Variants in PDS5A observed in about 807,000 individuals in gnomAD.
The protein encoded by PDS5A is sister chromatid cohesion protein PDS5 homolog A.
In PDS5A, 42 loss-of-function variants were observed where a neutral mutation model predicts 167.1. The ratio of observed to expected loss-of-function variants is 0.25; its 90% CI spans 0.20 to 0.33. PDS5A has a LOEUF of 0.33. Ranked by LOEUF, PDS5A falls within the 10% of genes least tolerant of loss-of-function variation. The pLI is 1.00. For missense variants in PDS5A, 1,033 were observed against 1,605.9 expected (o/e 0.64, Z 6.10); for synonymous variants, 553 against 554.6 (o/e 1.00, Z 0.04).
intron 2 of PDS5A, among the ~76,000 whole-genome samples, chr4:39,939,828 A>G (rs1225819796): frequency 6.6e-6 from 1 of 152,124 alleles, no homozygotes; most frequent in Non-Finnish European, 1.5e-5. Context: ...ACAAAAAAAC[A>G]GCTTTATTAA....
At chr4:39,856,545 G>A (rs1474915199) in intron 26 of PDS5A, among the ~76,000 whole-genome samples, 1 of 152,214 alleles carries the variant, frequency 6.6e-6, no homozygotes, top group Admixed American at 6.5e-5. Flanking sequence ...GCTGGGTGCA[G>A]TGGCTCATGC....
intron 2 of PDS5A, among the ~76,000 whole-genome samples, chr4:39,934,255 T>C (rs1450250821): frequency 6.6e-6 from 1 of 152,186 alleles, no homozygotes; most frequent in African/African-American, 2.4e-5. Flanking sequence ...CGAAGTGTTC[T>C]CGGAGTCTAG....
intron 2 of PDS5A, among the ~76,000 whole-genome samples, chr4:39,963,843 G>A (rs888044595): frequency 2.6e-5 from 4 of 151,808 alleles, no homozygotes; most frequent in African/African-American, 4.8e-5. Flanking sequence ...CTCAAAAAGC[G>A]GGGGTGGGGG....
At chr4:39,893,787 TACTC>T (rs1295910417) in intron 16 of PDS5A, among the ~76,000 whole-genome samples, 2 of 152,174 alleles carry the variant, frequency 1.3e-5, no homozygotes, top group Non-Finnish European at 2.9e-5. Flanking sequence ...TTAAATAACA[TACTC>T]AAGTCACACA....
At chr4:39,833,191 C>CAAAAAAAAAA (rs1166233113) in intron 32 of PDS5A, among the ~76,000 whole-genome samples, 431 of 37,470 alleles carry the variant, frequency 0.012, 4 homozygotes, top group Middle Eastern at 0.059. Context: ...AACTCCGTCT[C>CAAAAAAAAAA]AAAAAAAAAA....
At chr4:39,949,274 C>T (rs1018287845) in intron 2 of PDS5A, among the ~76,000 whole-genome samples, 6 of 119,162 alleles carry the variant, frequency 5.0e-5, no homozygotes, top group Non-Finnish European at 8.0e-5. Flanking sequence ...TACATTTTAG[C>T]GTGGATGAAA....
chr4:39,977,041 C>T lies in PDS5A; in HGVS notation c.-41+416G>A, dbSNP rs1731175321. On this transcript the variant is annotated intron_variant, in intron 1 of 32. Transcript: ENST00000303538. The surrounding 1 kb of genome is among the most constrained non-coding windows in gnomAD (Gnocchi z 4.2). ...CGAGGCCTATAGGGCTCGGCTTAGG[C>T]CGCAAAACTAGGGACCCAGCGGACC... Among the ~76,000 whole-genome samples, 1 of 152,150 alleles carries T rather than the reference C, an allele frequency of 6.6e-6. No homozygotes were observed. The highest frequency in any genetic ancestry group is 1.5e-5 in the Non-Finnish European group (1 of 68,012).
intron 13 of PDS5A, among the ~76,000 whole-genome samples, chr4:39,900,804 T>G (rs1722813003): frequency 6.6e-6 from 1 of 151,842 alleles, no homozygotes; most frequent in South Asian, 2.1e-4. Context: ...AAAGAAAATC[T>G]CAAAGTGCAA....
At chr4:39,872,390 C>T (rs1720124280) in intron 21 of PDS5A, among the ~76,000 whole-genome samples, 1 of 152,096 alleles carries the variant, frequency 6.6e-6, no homozygotes, top group South Asian at 2.1e-4. Context: ...TTTAGCCCGG[C>T]ATGGTGGCTC....
intron 11 of PDS5A, among the ~76,000 whole-genome samples, chr4:39,906,939 A>C (rs1241926324): frequency 6.7e-6 from 1 of 150,110 alleles, no homozygotes; most frequent in South Asian, 2.1e-4. Context: ...AAAAAAAAAA[A>C]AAAACAAGCA....
chr4:39,932,515 T>C, intron 2 of PDS5A: 1 of 225,562 alleles, frequency 4.4e-6, no homozygotes. Context: ...TATGTCAAAC[T>C]GGTATCTTCC....
intron 2 of PDS5A, among the ~76,000 whole-genome samples, chr4:39,960,979 C>A (rs142593907): frequency 8.5e-5 from 13 of 152,190 alleles, no homozygotes; most frequent in Non-Finnish European, 1.8e-4. Flanking sequence ...TGAGCCACCA[C>A]ACCCAGCCTA....
At chr4:39,848,308 G>C (rs1396346138) in intron 28 of PDS5A, 1 of 153,520 alleles carries the variant, frequency 6.5e-6, no homozygotes, top group Non-Finnish European at 1.4e-5. Flanking sequence ...AACTTACAGA[G>C]CCTGCGTTAC....
chr4:39,945,458 C>CAAAAAAAAAAAAAAAAA (rs1210256217), intron 2 of PDS5A, among the ~76,000 whole-genome samples: 7 of 66,824 alleles, frequency 1.0e-4, no homozygotes, highest in East Asian at 3.9e-4. Flanking sequence ...GAGACTGCCT[C>CAAAAAAAAAAAAAAAAA]AAAAAAAAAA....
intron 2 of PDS5A, among the ~76,000 whole-genome samples, chr4:39,954,961 A>T (rs1728789920): frequency 6.6e-6 from 1 of 151,814 alleles, no homozygotes; most frequent in Admixed American, 6.6e-5. Context: ...GATGGCTTGA[A>T]CCCAGGAGGT....
intron 2 of PDS5A, among the ~76,000 whole-genome samples, chr4:39,961,877 GTTAC>G (rs1729509488): frequency 6.6e-6 from 1 of 152,100 alleles, no homozygotes; most frequent in Non-Finnish European, 1.5e-5. Flanking sequence ...ACATGTCAAT[GTTAC>G]TTACTTCATA....
intron 2 of PDS5A, among the ~76,000 whole-genome samples, chr4:39,936,587 C>T (rs756755563): frequency 2.6e-5 from 4 of 152,042 alleles, no homozygotes; most frequent in Non-Finnish European, 4.4e-5. Flanking sequence ...ACCACCACAT[C>T]TGGCTAATTT....
chr4:39,929,519 C>CTCTATA (rs1346928018), intron 2 of PDS5A, among the ~76,000 whole-genome samples: 882 of 79,358 alleles, frequency 0.011, 24 homozygotes, highest in Middle Eastern at 0.027. Flanking sequence ...ACTTAATAAA[C>CTCTATA]TATATATATA....
intron 11 of PDS5A, 90 bp downstream of exon 11, chr4:39,908,301 CAGAA>C: frequency 1.0e-6 from 1 of 954,866 alleles, no homozygotes; most frequent in Admixed American, 2.0e-5. Context: ...GATTTTCACA[CAGAA>C]AGACATTAAA....
Sources: allele counts gnomAD v4.1 joint callset (sites outside exome capture counted in the v4.1 genomes callset), GRCh38; gene constraint gnomAD v4.1.1; non-coding constraint Gnocchi (gnomAD v3.1); transcripts MANE v1.5; gene names NCBI Gene and HGNC (gene_info 2026-07-23, HGNC 2026-07-21).